NEUROD1: variants seen among roughly 807,000 people sequenced by gnomAD.
NEUROD1 encodes the protein neurogenic differentiation factor 1.
A neutral mutation model predicts 21.8 loss-of-function variants in NEUROD1; 9 were observed. The ratio of observed to expected loss-of-function variants is 0.41; its 90% CI spans 0.25 to 0.72. NEUROD1 has a LOEUF of 0.72. Among genes scored for constraint, NEUROD1 ranks in the 30% least tolerant of loss-of-function variants. The probability of loss-of-function intolerance (pLI) is 0.31; values close to 1 mark genes in which losing one functional copy is unlikely to be tolerated. For missense variants in NEUROD1, 434 were observed against 468.8 expected (o/e 0.93, Z 0.69); for synonymous variants, 199 against 186.2 (o/e 1.07, Z -0.56).
chr2:181,669,045 C>T (rs1435438163), downstream of NEUROD1, among the ~76,000 whole-genome samples: 9 of 152,132 alleles, frequency 5.9e-5, no homozygotes, highest in African/African-American at 1.2e-4. Context: ...GGATATAAGT[C>T]CTTCCAGTTT....
chr2:181,670,331 A>G (rs1023800039), downstream of NEUROD1, among the ~76,000 whole-genome samples: 20 of 152,220 alleles, frequency 1.3e-4, no homozygotes, highest in African/African-American at 4.8e-4. Flanking sequence ...TAAAACTTTT[A>G]TATAATTCAG....
exon 2 of NEUROD1, among the ~76,000 whole-genome samples, chr2:181,671,190 TCAGAATCA>T (rs1688493213): frequency 6.6e-6 from 1 of 152,106 alleles, no homozygotes; most frequent in Admixed American, 6.5e-5. Context: ...AATATGCCAG[TCAGAATCA>T]AAGAATCATT....
rs200171909 is a variant in NEUROD1 at position 181,677,746 on chromosome 2, G to T, written c.*44C>A. ...TTTGTAAACACGACAGTCACTGTAA[G>T]CACAGTGGGTTCGTTTCCCGGAAAT... On this transcript the variant is annotated 3_prime_UTR_variant, in exon 2 of 2. Coordinates refer to ENST00000295108, the MANE Select transcript of NEUROD1 (RefSeq NM_002500.5). The T allele has an allele frequency of 6.2e-7, 1 of 1,613,642 alleles. No individual in the cohort carries two copies. Among genetic ancestry groups the T allele is most frequent in the African/African-American group, 1.3e-5 (1 of 74,930 alleles).
At position 181,677,664 on chromosome 2, in the gene NEUROD1, A is replaced by G. The variant is rs1688605014; in HGVS notation, c.*126T>C. ...GGCAGTAATGACAATAAATACATAT[A>G]TCACTTGAAGCTTGGAGTATTTGCA... On this transcript the variant is annotated 3_prime_UTR_variant, in exon 2 of 2. Coordinates refer to ENST00000295108, the MANE Select transcript of NEUROD1 (RefSeq NM_002500.5). 2 of 1,545,956 alleles carry G rather than the reference A, an allele frequency of 1.3e-6. No individual in the cohort carries two copies. The highest frequency in any genetic ancestry group is 1.8e-6 in the Non-Finnish European group (2 of 1,135,138).
chr2:181,669,384 G>T (rs1404615520), downstream of NEUROD1, among the ~76,000 whole-genome samples: 1 of 152,040 alleles, frequency 6.6e-6, no homozygotes, highest in Non-Finnish European at 1.5e-5. Context: ...ATCATCCTCT[G>T]CTCCCCGTCT....
intron 1 of NEUROD1, among the ~76,000 whole-genome samples, chr2:181,679,519 C>A (rs1278143301): frequency 6.6e-6 from 1 of 152,114 alleles, no homozygotes; most frequent in Non-Finnish European, 1.5e-5. Flanking sequence ...ACCCCTCCCT[C>A]GCCTTTCTTT....
chr2:181,679,390 TAAG>T (rs956345893), intron 1 of NEUROD1, among the ~76,000 whole-genome samples: 34 of 152,204 alleles, frequency 2.2e-4, no homozygotes, highest in African/African-American at 8.2e-4. Flanking sequence ...CAGCGATTTT[TAAG>T]AAGATTACAT....
downstream of NEUROD1, among the ~76,000 whole-genome samples, chr2:181,672,359 T>A (rs1217539976): frequency 6.6e-6 from 1 of 152,214 alleles, no homozygotes; most frequent in Non-Finnish European, 1.5e-5. Context: ...ACTTATAGCA[T>A]AGTGGTTAAG....
downstream of NEUROD1, among the ~76,000 whole-genome samples, chr2:181,675,337 C>T (rs1448281910): frequency 6.6e-6 from 1 of 152,204 alleles, no homozygotes; most frequent in Non-Finnish European, 1.5e-5. Context: ...CTTGACGCAG[C>T]CTCATTGGCA....
At chr2:181,674,766 C>G (rs1003600884), downstream of NEUROD1, among the ~76,000 whole-genome samples, 2 of 151,380 alleles carry the variant, frequency 1.3e-5, no homozygotes, top group African/African-American at 4.9e-5. Context: ...CTGAAAGAAT[C>G]CCTATGTTTT....
Position 181,677,981 on chromosome 2 carries a change from C to T in NEUROD1, c.880G>A (p.Glu294Lys). The T allele has an allele frequency of 6.2e-7, 1 of 1,614,198 alleles. No homozygotes were observed. Among genetic ancestry groups the T allele is most frequent in the Non-Finnish European group, 8.5e-7 (1 of 1,180,040 alleles). ...SFKHEPSAEFEKNYAFTMHYP... is the reference protein window; with the variant it reads ...SFKHEPSAEFKKNYAFTMHYP... The stretch of plus-strand genomic sequence containing the variant: ...TGCATGGTAAAGGCATAATTTTTCT[C>T]AAACTCGGCGGACGGTTCGTGTTTG... The change falls in exon 2 of 2, where the codon GAG becomes AAG. Residue 294 changes from glutamate to lysine, a missense_variant. Glu to Lys is a moderately conservative substitution (Grantham distance 56). Transcript: ENST00000295108.
chr2:181,678,766 T>C lies in NEUROD1; in HGVS notation c.95A>G (p.Glu32Gly), dbSNP rs770263304. ...WTDECLSSQD[E>G]EHEADKKEDD... ...CTCCTTCTTGTCTGCCTCGTGCTCC[T>C]CGTCCTGAGAACTGAGACACTCGTC... Residue 32 changes from glutamate to glycine, a missense_variant, in exon 2 of 2, where the codon GAG becomes GGG. By Grantham distance (98) the Glu-to-Gly change is moderately conservative (BLOSUM62 -2). Transcript: ENST00000295108. This position sits in a 1 kb window ranked among gnomAD's most constrained non-coding sequence, Gnocchi z 5.5. 6.2e-7 allele frequency: 1 copy of C among 1,613,334 alleles called. No homozygotes were observed. The highest frequency in any genetic ancestry group is 1.1e-5 in the South Asian group (1 of 91,026).
In NEUROD1 at chr2:181,678,916, A is replaced by C. The variant is rs1042963950; in HGVS notation, c.-11-45T>G. On this transcript the variant is annotated intron_variant, in intron 1 of 1. Coordinates refer to ENST00000295108, the MANE Select transcript of NEUROD1 (RefSeq NM_002500.5). The surrounding 1 kb of genome is among the most constrained non-coding windows in gnomAD (Gnocchi z 5.5). ...GGCAAACAGAAAGAAAAGCAGAAAAACGCTATATTCAAAAGCCAGATACGC... is the reference window on the plus strand; with the variant it reads ...GGCAAACAGAAAGAAAAGCAGAAAACCGCTATATTCAAAAGCCAGATACGC... 13 of 1,607,784 alleles carry C rather than the reference A, an allele frequency of 8.1e-6. No homozygotes were observed. Among genetic ancestry groups the C allele is most frequent in the Non-Finnish European group, 1.1e-5 (13 of 1,179,456 alleles).
downstream of NEUROD1, among the ~76,000 whole-genome samples, chr2:181,668,646 A>G (rs1332371838): frequency 6.6e-6 from 1 of 152,108 alleles, no homozygotes; most frequent in Non-Finnish European, 1.5e-5. Context: ...TCTGAGCCCC[A>G]TGGTGTTTCA....
chr2:181,677,991 G>T lies in NEUROD1; in HGVS notation c.870C>A (p.Ser290=). 3 of 1,614,206 alleles carry T rather than the reference G, an allele frequency of 1.9e-6. No individual in the cohort carries two copies. Among genetic ancestry groups the T allele is most frequent in the Non-Finnish European group, 2.5e-6 (3 of 1,180,038 alleles). The change falls in exon 2 of 2, where the codon TCC becomes TCA. Residue 290 remains serine (S), a synonymous_variant. Coordinates refer to ENST00000295108, the MANE Select transcript of NEUROD1 (RefSeq NM_002500.5). ...NGNFSFKHEP[S]AEFEKNYAFT... ...AGGCATAATTTTTCTCAAACTCGGC[G>T]GACGGTTCGTGTTTGAAAGAGAAGT...
chr2:181,678,094 A>G lies in NEUROD1; in HGVS notation c.767T>C (p.Phe256Ser), dbSNP rs1190053153. ...PHAYSAALEP[F>S]FESPLTDCTS... ...GCAATCAGTCAGAGGGCTTTCAAAG[A>G]AGGGCTCCAGCGCTGCGCTGTAGGC... is the stretch of plus-strand genomic sequence containing the variant. Residue 256 changes from phenylalanine (F) to serine (S), a missense_variant, in exon 2 of 2, where the codon TTC (phenylalanine) becomes TCC (serine). Coordinates refer to ENST00000295108, the MANE Select transcript of NEUROD1 (RefSeq NM_002500.5). The surrounding 1 kb of genome is among the most constrained non-coding windows in gnomAD (Gnocchi z 5.5). The G allele has an allele frequency of 1.2e-6, 2 of 1,614,052 alleles. No homozygotes were observed. The highest frequency in any genetic ancestry group is 2.7e-5 in the African/African-American group (2 of 74,914).
chr2:181,669,913 T>C (rs900634515), downstream of NEUROD1, among the ~76,000 whole-genome samples: 7 of 152,168 alleles, frequency 4.6e-5, no homozygotes, highest in African/African-American at 1.7e-4. Flanking sequence ...AAAGGTGAAG[T>C]CTTAGCCTCT....
downstream of NEUROD1, among the ~76,000 whole-genome samples, chr2:181,669,698 CA>C (rs1688468916): frequency 6.6e-6 from 1 of 151,854 alleles, no homozygotes; most frequent in African/African-American, 2.4e-5. Flanking sequence ...AAGGTGGGCA[CA>C]AAATGAAAAA....
At chr2:181,672,892 T>C (rs1688517105), downstream of NEUROD1, among the ~76,000 whole-genome samples, 1 of 152,220 alleles carries the variant, frequency 6.6e-6, no homozygotes, top group South Asian at 2.1e-4. Context: ...GTAAAGCAGG[T>C]TAGCTTTTGA....
Sources: gnomAD v4.1 joint callset for allele counts (sites outside exome capture counted in the v4.1 genomes callset) on GRCh38, gnomAD v4.1.1 for gene constraint, Gnocchi (gnomAD v3.1) non-coding constraint, MANE v1.5 for transcripts, NCBI Gene and HGNC (gene_info 2026-07-23, HGNC 2026-07-21) for gene names.